TDRD3: variants seen among roughly 807,000 people sequenced by gnomAD.
TDRD3 encodes the protein tudor domain-containing protein 3.
Under a neutral mutation model 86.7 loss-of-function variants are expected in TDRD3, and 45 were observed. The observed-to-expected ratio is 0.52, with a 90% CI of 0.41 to 0.67. The LOEUF is 0.67. Among genes scored for constraint, TDRD3 ranks in the 30% least tolerant of loss-of-function variants. The probability of loss-of-function intolerance (pLI) is 0.00; values close to 1 mark genes in which losing one functional copy is unlikely to be tolerated. For synonymous variants in TDRD3, 298 were observed against 301.7 expected (o/e 0.99, Z 0.13); for missense variants, 814 against 889.0 (o/e 0.92, Z 1.07).
chr13:60,529,685 T>C (rs1352867534), intron 11 of TDRD3, among the ~76,000 whole-genome samples: 1 of 151,984 alleles, frequency 6.6e-6, no homozygotes, highest in East Asian at 1.9e-4. Context: ...TTATTTATTT[T>C]ATAATAATTT....
chr13:60,397,288 G>T lies in TDRD3; in HGVS notation c.-77G>T. The T allele has an allele frequency of 7.6e-6, 4 of 528,236 alleles. No individual in the cohort carries two copies. Among genetic ancestry groups the T allele is most frequent in the South Asian group, 3.3e-5 (1 of 30,654 alleles). 32.7% of individuals were successfully genotyped at this position (528,236 alleles called of 1,614,324 possible). On this transcript the variant is annotated 5_prime_UTR_variant, in exon 1 of 14. The change creates a new upstream start codon in the 5' untranslated region. Coordinates refer to ENST00000377881, the MANE Select transcript of TDRD3 (RefSeq NM_001146070.2). ...TTTTCTTTTCTTTTTTTTTTTTTAA[G>T]GGGGGGGGTCTCAAGTAGGAGGCCT...
At chr13:60,454,001 T>A (rs932199602) in intron 3 of TDRD3, among the ~76,000 whole-genome samples, 2 of 152,198 alleles carry the variant, frequency 1.3e-5, no homozygotes, top group South Asian at 4.1e-4. Flanking sequence ...TATATGTGTA[T>A]TTACATATTT....
intron 8 of TDRD3, among the ~76,000 whole-genome samples, chr13:60,508,791 A>T (rs943141627): frequency 6.6e-6 from 1 of 152,172 alleles, no homozygotes; most frequent in Non-Finnish European, 1.5e-5. Flanking sequence ...AACAGTGGTG[A>T]TCCTTGGGGA....
intron 5 of TDRD3, among the ~76,000 whole-genome samples, chr13:60,479,148 C>T (rs1329149417): frequency 6.6e-6 from 1 of 152,178 alleles, no homozygotes; most frequent in Non-Finnish European, 1.5e-5. Context: ...GTGGTTAACA[C>T]TAAAAGCTTT....
At chr13:60,482,900 TAAC>T (rs1447220864) in intron 5 of TDRD3, among the ~76,000 whole-genome samples, 4 of 152,068 alleles carry the variant, frequency 2.6e-5, no homozygotes, top group South Asian at 4.1e-4. Context: ...TCTGTAGTGA[TAAC>T]AATTAAAATG....
At chr13:60,411,496 C>CT (rs1954366033) in intron 1 of TDRD3, among the ~76,000 whole-genome samples, 1 of 152,104 alleles carries the variant, frequency 6.6e-6, no homozygotes, top group Non-Finnish European at 1.5e-5. Context: ...CGAAACTGGC[C>CT]TGAGCTACAT....
intron 1 of TDRD3, among the ~76,000 whole-genome samples, chr13:60,403,425 A>G (rs975819713): frequency 6.6e-6 from 1 of 152,262 alleles, no homozygotes; most frequent in African/African-American, 2.4e-5. Context: ...CCATCAGTCT[A>G]GAAATTCATT....
chr13:60,551,037 A>G (rs1958038969), intron 12 of TDRD3, among the ~76,000 whole-genome samples: 1 of 152,192 alleles, frequency 6.6e-6, no homozygotes, highest in Non-Finnish European at 1.5e-5. Flanking sequence ...TAGCATATAA[A>G]TTATATCTAC....
chr13:60,474,851 A>C (rs1302040590), intron 5 of TDRD3, among the ~76,000 whole-genome samples: 2 of 151,384 alleles, frequency 1.3e-5, no homozygotes, highest in Non-Finnish European at 2.9e-5. Context: ...AGGTTAGCTG[A>C]TGATGAAGTG....
chr13:60,546,169 G>C (rs1957937048), intron 12 of TDRD3, among the ~76,000 whole-genome samples: 1 of 151,982 alleles, frequency 6.6e-6, no homozygotes, highest in Non-Finnish European at 1.5e-5. Flanking sequence ...CTTTGTACTT[G>C]GCCATACTGG....
intron 10 of TDRD3, among the ~76,000 whole-genome samples, chr13:60,523,174 A>T (rs1166391198): frequency 1.3e-5 from 2 of 152,156 alleles, no homozygotes; most frequent in African/African-American, 4.8e-5. Flanking sequence ...TAAAATGAGG[A>T]TTAGTCTTGG....
intron 1 of TDRD3, among the ~76,000 whole-genome samples, chr13:60,421,371 G>A (rs1180393214): frequency 2.6e-5 from 4 of 152,178 alleles, no homozygotes; most frequent in Middle Eastern, 3.4e-3. Flanking sequence ...TTACTATCAC[G>A]AGAATAGCAT....
At chr13:60,573,408 T>A (rs1036094836) in intron 13 of TDRD3, among the ~76,000 whole-genome samples, 70 of 152,210 alleles carry the variant, frequency 4.6e-4, no homozygotes, top group Admixed American at 2.6e-4. Context: ...AAAAAAAAAA[T>A]TTATTTTCAA....
chr13:60,506,788 T>A (rs759655336), intron 8 of TDRD3, among the ~76,000 whole-genome samples: 13 of 152,044 alleles, frequency 8.6e-5, no homozygotes, highest in Non-Finnish European at 1.8e-4. Context: ...ATGAAGAAAC[T>A]GCATCAGCTA....
intron 3 of TDRD3, among the ~76,000 whole-genome samples, chr13:60,449,769 T>C (rs1206106962): frequency 1.3e-5 from 2 of 152,116 alleles, no homozygotes; most frequent in African/African-American, 2.4e-5. Context: ...ACTATATTTA[T>C]AATTTAGAAA....
At chr13:60,444,659 TTAA>T in intron 2 of TDRD3, 21 bp from the exon 3 acceptor site, 2 of 1,239,716 alleles carry the variant, frequency 1.6e-6, no homozygotes, top group South Asian at 1.7e-5. Context: ...TAATTCCATT[TTAA>T]TAATAATATT....
chr13:60,510,747 AT>A lies in TDRD3; in HGVS notation c.1134del (p.Asn378LysfsTer27). 1 of 1,566,154 alleles carries A rather than the reference AT, an allele frequency of 6.4e-7. No homozygotes were observed. The highest frequency in any genetic ancestry group is 8.6e-7 in the Non-Finnish European group (1 of 1,157,562). The part of the protein sequence containing the change: ...DFLESKMGTL[N>X]VEEPKSQPQQ... ...TTGGAATCTAAAATGGGAACTTTGAATGTGGAAGGTAAGCTAATTTAAAGTT... is the reference window on the plus strand; with the variant it reads ...TTGGAATCTAAAATGGGAACTTTGAAGTGGAAGGTAAGCTAATTTAAAGTT... On this transcript the variant is annotated frameshift_variant, in exon 10 of 14. Transcript: ENST00000377881. LOFTEE classifies it high-confidence loss of function.
At chr13:60,425,621 T>C (rs1954781977) in intron 1 of TDRD3, among the ~76,000 whole-genome samples, 1 of 152,102 alleles carries the variant, frequency 6.6e-6, no homozygotes, top group East Asian at 1.9e-4. Context: ...TGTCCATCGA[T>C]GGAAAAATGA....
At chr13:60,509,062 A>T (rs1956997335) in intron 8 of TDRD3, among the ~76,000 whole-genome samples, 1 of 152,190 alleles carries the variant, frequency 6.6e-6, no homozygotes, top group African/African-American at 2.4e-5. Flanking sequence ...ACAATGTATA[A>T]ACATGTTAAC....
Sources: allele counts gnomAD v4.1 joint callset (sites outside exome capture counted in the v4.1 genomes callset), GRCh38; gene constraint gnomAD v4.1.1; transcripts MANE v1.5; gene names NCBI Gene and HGNC (gene_info 2026-07-23, HGNC 2026-07-21).